IER5: variants seen among roughly 807,000 people sequenced by gnomAD.
IER5 encodes the protein immediate early response gene 5 protein.
In IER5, 3 loss-of-function variants were observed where a neutral mutation model predicts 8.2. The observed-to-expected ratio is 0.36, with a 90% CI of 0.17 to 0.94. IER5 has a LOEUF of 0.94. Ranked by LOEUF, IER5 falls within the 40% of genes least tolerant of loss-of-function variation. The pLI is 0.43. For synonymous variants in IER5, 286 were observed against 230.1 expected, an observed-to-expected ratio of 1.24 and a Z score of -2.20; for missense variants, 531 against 494.3, an observed-to-expected ratio of 1.07 and a Z score of -0.70.
At position 181,089,733 on chromosome 1, in the gene IER5, C is replaced by A; in HGVS notation, c.831C>A (p.Phe277Leu). Residue 277 changes from phenylalanine (F) to leucine (L), a missense_variant, in exon 1 of 1, where the codon TTC becomes TTA. Coordinates refer to ENST00000367577, the MANE Select transcript of IER5 (RefSeq NM_016545.5). ...TCATCAGCATCTTCGGTTCCAGTTT[C>A]TCGGGACTCCTACGGAAAAGCCCCG... ...ANLISIFGSS[F>L]SGLLRKSPGG... 1 of 1,613,936 alleles carries A rather than the reference C, an allele frequency of 6.2e-7. No individual in the cohort carries two copies.
rs1030270139 is a variant in IER5, at chr1:181,088,782, C to T, written c.-121C>T. 2.4e-5 allele frequency: 11 copies of T among 454,296 alleles called. No homozygotes were observed. The highest frequency in any genetic ancestry group is 6.2e-5 in the East Asian group (1 of 16,046). The allele number at this position is 454,296 out of a possible 1,614,324, so 28.1% of individuals were successfully genotyped here. On this transcript the variant is annotated 5_prime_UTR_variant, in exon 1 of 1. Coordinates refer to ENST00000367577, the MANE Select transcript of IER5 (RefSeq NM_016545.5). Reference sequence around the variant, plus strand: ...AGCGCGCGCGTCACCAGAGTCGTTTCTCTTCGGAGTCTTAGGTGATCGAGG... The same window carrying T: ...AGCGCGCGCGTCACCAGAGTCGTTTTTCTTCGGAGTCTTAGGTGATCGAGG...
Position 181,090,226 on chromosome 1 carries a change from T to A in IER5, c.*340T>A. The stretch of plus-strand genomic sequence containing the variant: ...TTGGGGGCAGACAGGGACTTTCCTC[T>A]GCCGGCTGCGTGGAGAAGGAAGCGG... On this transcript the variant is annotated 3_prime_UTR_variant, in exon 1 of 1. Transcript: ENST00000367577. 3.3e-6 allele frequency: 1 copy of A among 306,764 alleles called. No homozygotes were observed. The highest frequency in any genetic ancestry group is 6.4e-6 in the Non-Finnish European group (1 of 155,592). 19.0% of individuals were successfully genotyped at this position (306,764 alleles called of 1,614,324 possible).
Position 181,089,197 on chromosome 1 carries a change from G to C in IER5, c.295G>C (p.Glu99Gln). 2 of 1,529,910 alleles carry C rather than the reference G, an allele frequency of 1.3e-6. No individual in the cohort carries two copies. The highest frequency in any genetic ancestry group is 2.4e-5 in the South Asian group (2 of 81,994). 94.8% of individuals were successfully genotyped at this position (1,529,910 alleles called of 1,614,324 possible). A position where few individuals can be genotyped will look rare whatever the true frequency, so the allele number is the denominator to read the frequency against. The change falls in exon 1 of 1, where the codon GAG (glutamate) becomes CAG (glutamine). Residue 99 changes from glutamate (E) to glutamine (Q), a missense_variant. Glu to Gln is a conservative substitution (Grantham distance 29). Transcript: ENST00000367577. ...PAARASWPET[E>Q]PQPERSSVSD... The stretch of plus-strand genomic sequence containing the variant: ...CGCTCGTGCCTCTTGGCCGGAGACC[G>C]AGCCGCAGCCGGAGCGCTCCTCCGT...
Position 181,089,052 on chromosome 1 carries a change from C to T in IER5, c.150C>T (p.Asp50=). ...LRSARQVYLS[D]PCPGLYLAGP... ...GCGCCCGCCAAGTCTACCTGAGCGA[C>T]CCGTGCCCCGGCCTCTACCTGGCCG... Residue 50 remains aspartate (D), a synonymous_variant, in exon 1 of 1, where the codon GAC becomes GAT. Coordinates refer to ENST00000367577, the MANE Select transcript of IER5 (RefSeq NM_016545.5). 6.2e-7 allele frequency: 1 copy of T among 1,605,662 alleles called. No homozygotes were observed. The highest frequency in any genetic ancestry group is 8.5e-7 in the Non-Finnish European group (1 of 1,176,922).
chr1:181,088,927 C>A lies in IER5; in HGVS notation c.25C>A (p.Arg9Ser). MEFKLEAH[R>S]IVSISLGKIY... ...GATGGAGTTCAAGCTGGAGGCTCATCGCATCGTCAGCATCTCTCTGGGCAA... is the reference window on the plus strand; with the variant it reads ...GATGGAGTTCAAGCTGGAGGCTCATAGCATCGTCAGCATCTCTCTGGGCAA... Residue 9 changes from arginine to serine, a missense_variant, in exon 1 of 1, where the codon CGC becomes AGC. By Grantham distance (110) the Arg-to-Ser change is moderately radical (BLOSUM62 -1). Transcript: ENST00000367577. 6.2e-7 allele frequency: 1 copy of A among 1,613,632 alleles called. No homozygotes were observed. The highest frequency in any genetic ancestry group is 8.5e-7 in the Non-Finnish European group (1 of 1,179,826).
Position 181,089,189 on chromosome 1 carries a change from C to G in IER5, c.287C>G (p.Pro96Arg). The G allele has an allele frequency of 6.6e-7, 1 of 1,522,444 alleles. No individual in the cohort carries two copies. Among genetic ancestry groups the G allele is most frequent in the East Asian group, 2.7e-5 (1 of 36,432 alleles). 94.3% of individuals were successfully genotyped at this position (1,522,444 alleles called of 1,614,324 possible). A position where few individuals can be genotyped will look rare whatever the true frequency, so the allele number is the denominator to read the frequency against. The change falls in exon 1 of 1, where the codon CCG becomes CGG. Residue 96 changes from proline (P) to arginine (R), a missense_variant. By Grantham distance (103) the Pro-to-Arg change is moderately radical. Transcript: ENST00000367577. ...CCGCCCGCCGCTCGTGCCTCTTGGC[C>G]GGAGACCGAGCCGCAGCCGGAGCGC... is the stretch of plus-strand genomic sequence containing the variant. ...PPPPAARASW[P>R]ETEPQPERSS...
rs6425663 is a variant in IER5 at position 181,088,738 on chromosome 1, T to A, written c.-165T>A. ...ACCCGAAACGGGGAAGTTGTCTTGT[T>A]TGGAGAGGTTAGTAGAGCAGCGCGC... On this transcript the variant is annotated 5_prime_UTR_variant, in exon 1 of 1. It adds an upstream start codon to the 5' untranslated region. Transcript: ENST00000367577. The A allele has an allele frequency of 1.8e-6, 1 of 562,588 alleles. No homozygotes were observed. Among genetic ancestry groups the A allele is most frequent in the Non-Finnish European group, 3.0e-6 (1 of 333,828 alleles). 34.8% of individuals were successfully genotyped at this position (562,588 alleles called of 1,614,324 possible).
In IER5 at chr1:181,089,270, C is replaced by T. The variant is rs1357244077; in HGVS notation, c.368C>T (p.Thr123Ile). The T allele has an allele frequency of 2.6e-6, 4 of 1,559,246 alleles. No homozygotes were observed. The highest frequency in any genetic ancestry group is 2.6e-6 in the Non-Finnish European group (3 of 1,154,982). The change falls in exon 1 of 1, where the codon ACT (threonine) becomes ATT (isoleucine). Residue 123 changes from threonine (T) to isoleucine (I), a missense_variant. By Grantham distance (89) the Thr-to-Ile change is moderately conservative. Transcript: ENST00000367577. ...GACGAGGTGCCGGTGGCCACGGTGA[C>T]TGGAGTCGGGGACGTTTTTCAGGGC... Reference protein sequence around the residue: ...VGDEVPVATVTGVGDVFQGGE... With the variant: ...VGDEVPVATVIGVGDVFQGGE...
chr1:181,090,713 C>G lies in IER5; in HGVS notation c.*827C>G, dbSNP rs1253253631. ...GTTTTGTAGATATGGTGACTCCAGT[C>G]TTTGTTGTATAAAGGTTGGGGGAGC... On this transcript the variant is annotated 3_prime_UTR_variant, in exon 1 of 1. Transcript: ENST00000367577. 6.0e-6 allele frequency: 1 copy of G among 167,052 alleles called. No homozygotes were observed. The highest frequency in any genetic ancestry group is 1.5e-5 in the Non-Finnish European group (1 of 68,122). 10.3% of individuals were successfully genotyped at this position (167,052 alleles called of 1,614,324 possible).
In IER5 at chr1:181,088,781, TCTCTTCGGA is replaced by T; in HGVS notation, c.-121_-113del. ...CAGCGCGCGCGTCACCAGAGTCGTT[TCTCTTCGGA>T]GTCTTAGGTGATCGAGGGTGTGCCC... On this transcript the variant is annotated 5_prime_UTR_variant, in exon 1 of 1. Coordinates refer to ENST00000367577, the MANE Select transcript of IER5 (RefSeq NM_016545.5). 1.4e-6 allele frequency: 1 copy of T among 696,558 alleles called. No homozygotes were observed. The highest frequency in any genetic ancestry group is 2.3e-6 in the Non-Finnish European group (1 of 438,578). 43.1% of individuals were successfully genotyped at this position (696,558 alleles called of 1,614,324 possible).
chr1:181,089,538 C>A lies in IER5; in HGVS notation c.636C>A (p.Pro212=). The A allele has an allele frequency of 3.1e-6, 4 of 1,291,800 alleles. No individual in the cohort carries two copies. Among genetic ancestry groups the A allele is most frequent in the African/African-American group, 1.6e-5 (1 of 64,040 alleles). 80.0% of individuals were successfully genotyped at this position (1,291,800 alleles called of 1,614,324 possible). Residue 212 remains proline (P), a synonymous_variant, in exon 1 of 1, where the codon CCC becomes CCA. Coordinates refer to ENST00000367577, the MANE Select transcript of IER5 (RefSeq NM_016545.5). ...QPAEDEPPAP[P]AVCPRKRCAA... ...CGGAGGACGAGCCCCCCGCGCCGCC[C>A]GCGGTGTGCCCCAGGAAGCGCTGCG...
rs1268055415 is a variant in IER5 at position 181,092,534 on chromosome 1, A to C, written c.*2648A>C. ...AGGTTCGTCTTGAACTCCTGGCCTC[A>C]AGCAATCCTCCTGCCTCAGCCTCCC... is the stretch of plus-strand genomic sequence containing the variant. On this transcript the variant is annotated 3_prime_UTR_variant, in exon 1 of 1. Coordinates refer to ENST00000367577, the MANE Select transcript of IER5 (RefSeq NM_016545.5). The C allele has an allele frequency of 6.6e-6, 1 of 152,118 alleles. No individual in the cohort carries two copies. Among genetic ancestry groups the C allele is most frequent in the Non-Finnish European group, 1.5e-5 (1 of 68,044 alleles). The allele number at this position is 152,118 out of a possible 1,614,324, so 9.4% of individuals were successfully genotyped here.
rs753063455 is a variant in IER5, at chr1:181,089,208, G to T, written c.306G>T (p.Pro102=). 3.8e-5 allele frequency: 58 copies of T among 1,536,006 alleles called. No homozygotes were observed. The highest frequency in any genetic ancestry group is 4.9e-5 in the Non-Finnish European group (56 of 1,143,308). ...RASWPETEPQ[P]ERSSVSDAPR... ...CTTGGCCGGAGACCGAGCCGCAGCC[G>T]GAGCGCTCCTCCGTCTCAGACGCGC... Residue 102 remains proline, a synonymous_variant, in exon 1 of 1, where the codon CCG becomes CCT. Transcript: ENST00000367577.
rs1659401191 is a variant in IER5 at position 181,089,140 on chromosome 1, C to T, written c.238C>T (p.Pro80Ser). Residue 80 changes from proline (P) to serine (S), a missense_variant, in exon 1 of 1, where the codon CCC (proline) becomes TCC (serine). Coordinates refer to ENST00000367577, the MANE Select transcript of IER5 (RefSeq NM_016545.5). ...QQPGEPAAGPPAGWGEPPPPA... is the reference protein window; with the variant it reads ...QQPGEPAAGPSAGWGEPPPPA... Reference sequence around the variant, plus strand: ...GCCCGGGGAGCCGGCGGCCGGGCCACCCGCCGGCTGGGGAGAGCCGCCCCC... The same window carrying T: ...GCCCGGGGAGCCGGCGGCCGGGCCATCCGCCGGCTGGGGAGAGCCGCCCCC... 2.9e-6 allele frequency: 4 copies of T among 1,399,836 alleles called. No individual in the cohort carries two copies. The highest frequency in any genetic ancestry group is 1.5e-5 in the African/African-American group (1 of 65,976). 86.7% of individuals were successfully genotyped at this position (1,399,836 alleles called of 1,614,324 possible).
In IER5 at chr1:181,090,700, T is replaced by C. The variant is rs962754155; in HGVS notation, c.*814T>C. 2 of 167,108 alleles carry C rather than the reference T, an allele frequency of 1.2e-5. No homozygotes were observed. The highest frequency in any genetic ancestry group is 2.9e-5 in the Non-Finnish European group (2 of 68,122). 10.4% of individuals were successfully genotyped at this position (167,108 alleles called of 1,614,324 possible). On this transcript the variant is annotated 3_prime_UTR_variant, in exon 1 of 1. Coordinates refer to ENST00000367577, the MANE Select transcript of IER5 (RefSeq NM_016545.5). The stretch of plus-strand genomic sequence containing the variant: ...GAAAGACCTTATGGTTTTGTAGATA[T>C]GGTGACTCCAGTCTTTGTTGTATAA...
At position 181,090,045 on chromosome 1, in the gene IER5, T is replaced by A; in HGVS notation, c.*159T>A. 1 of 849,810 alleles carries A rather than the reference T, an allele frequency of 1.2e-6. No homozygotes were observed. Among genetic ancestry groups the A allele is most frequent in the Non-Finnish European group, 1.8e-6 (1 of 543,306 alleles). The allele number at this position is 849,810 out of a possible 1,614,324, so 52.6% of individuals were successfully genotyped here. ...ATCGCAAACTGCCCCCGGGCGCATC[T>A]GGCTTATCTGGAGACCTGGGAGCTT... On this transcript the variant is annotated 3_prime_UTR_variant, in exon 1 of 1. Coordinates refer to ENST00000367577, the MANE Select transcript of IER5 (RefSeq NM_016545.5).
Position 181,089,978 on chromosome 1 carries a change from C to T in IER5, c.*92C>T, listed in dbSNP as rs1209392076. On this transcript the variant is annotated 3_prime_UTR_variant, in exon 1 of 1. Coordinates refer to ENST00000367577, the MANE Select transcript of IER5 (RefSeq NM_016545.5). ...CCCGGCTGCGAGGACGCCCAGAGAC[C>T]GCGGGCGCTGAGCGCGTTGGGCAGA... The T allele has an allele frequency of 6.0e-6, 9 of 1,504,404 alleles. No homozygotes were observed. In the Middle Eastern group the frequency reaches 7.2e-4, roughly 120 times the overall value. 93.2% of individuals were successfully genotyped at this position (1,504,404 alleles called of 1,614,324 possible).
rs1321723723 is a variant in IER5 at position 181,091,801 on chromosome 1, A to G, written c.*1915A>G. 1 of 152,208 alleles carries G rather than the reference A, an allele frequency of 6.6e-6. No individual in the cohort carries two copies. Among genetic ancestry groups the G allele is most frequent in the African/African-American group, 2.4e-5 (1 of 41,444 alleles). The allele number at this position is 152,208 out of a possible 1,614,324, so 9.4% of individuals were successfully genotyped here. Reference sequence around the variant, plus strand: ...AGATGGGAGAGATTGAAGAAAGACAAAGGTTTAAAGGTCATAGCCTTCGAG... The same window carrying G: ...AGATGGGAGAGATTGAAGAAAGACAGAGGTTTAAAGGTCATAGCCTTCGAG... On this transcript the variant is annotated 3_prime_UTR_variant, in exon 1 of 1. Transcript: ENST00000367577.
Position 181,090,043 on chromosome 1 carries a change from T to C in IER5, c.*157T>C. On this transcript the variant is annotated 3_prime_UTR_variant, in exon 1 of 1. Transcript: ENST00000367577. ...GCATCGCAAACTGCCCCCGGGCGCA[T>C]CTGGCTTATCTGGAGACCTGGGAGC... 1.2e-6 allele frequency: 1 copy of C among 849,806 alleles called. No individual in the cohort carries two copies. The highest frequency in any genetic ancestry group is 1.8e-6 in the Non-Finnish European group (1 of 543,414). 52.6% of individuals were successfully genotyped at this position (849,806 alleles called of 1,614,324 possible). A position where few individuals can be genotyped will look rare whatever the true frequency, so the allele number is the denominator to read the frequency against.
Sources: gnomAD v4.1 joint callset for allele counts on GRCh38, gnomAD v4.1.1 for gene constraint, MANE v1.5 for transcripts, NCBI Gene and HGNC (gene_info 2026-07-23, HGNC 2026-07-21) for gene names.